IKZF3: variants seen among roughly 807,000 people sequenced by gnomAD.
IKZF3 encodes the protein IKAROS family zinc finger 3.
Under a neutral mutation model 49.0 loss-of-function variants are expected in IKZF3, and 10 were observed. The observed-to-expected ratio is 0.20, with a 90% CI of 0.13 to 0.35. The LOEUF (loss-of-function observed/expected upper bound fraction) is 0.35, where lower values mean the gene tolerates loss of function less well. IKZF3 is among the 10% of genes least tolerant of loss of function. IKZF3 has a pLI of 1.00. For synonymous variants in IKZF3, 209 were observed against 228.2 expected, an observed-to-expected ratio of 0.92 and a Z score of 0.76; for missense variants, 498 against 664.8, an observed-to-expected ratio of 0.75 and a Z score of 2.76.
intron 1 of IKZF3, chr17:39,839,486 C>G: frequency 1.7e-6 from 1 of 571,534 alleles, no homozygotes; most frequent in Non-Finnish European, 3.5e-6. Flanking sequence ...GTTTCTTGGC[C>G]AGGAATCACT....
chr17:39,789,975 G>A (rs9913044), intron 5 of IKZF3, among the ~76,000 whole-genome samples: 14,047 of 151,508 alleles, frequency 0.093, 1,332 homozygotes, highest in African/African-American at 0.25. Context: ...ATGAAGGAAA[G>A]GTTTCACCCA....
intron 1 of IKZF3, among the ~76,000 whole-genome samples, chr17:39,859,995 G>T (rs2063171530): frequency 6.6e-6 from 1 of 152,156 alleles, no homozygotes; most frequent in African/African-American, 2.4e-5. Flanking sequence ...ACTTGGGAAG[G>T]TTGAGGCGGA....
At chr17:39,784,303 C>G (rs528000078) in intron 6 of IKZF3, among the ~76,000 whole-genome samples, 1 of 152,120 alleles carries the variant, frequency 6.6e-6, no homozygotes, top group South Asian at 2.1e-4. Flanking sequence ...TGTATTTTTC[C>G]TTCTTTTCAT....
chr17:39,864,166 T>C lies in IKZF3; in HGVS notation c.-40A>G, dbSNP rs1453559. ...GGGCTGGAGCTGCCGCTGTGGCTAC[T>C]CGGCCTCTCCACGTGCTCCTGCCGT... On this transcript the variant is annotated 5_prime_UTR_variant, in exon 1 of 8. Coordinates refer to ENST00000346872, the MANE Select transcript of IKZF3 (RefSeq NM_012481.5). 805,516 of 1,607,904 alleles carry C rather than the reference T, an allele frequency of 0.5. 205,004 individuals carry two copies. Among genetic ancestry groups the C allele is most frequent in the African/African-American group, 0.61 (45,104 of 74,108 alleles).
chr17:39,825,681 G>T (rs1252202216), intron 3 of IKZF3, among the ~76,000 whole-genome samples: 1 of 152,130 alleles, frequency 6.6e-6, no homozygotes, highest in Non-Finnish European at 1.5e-5. Flanking sequence ...TTGGACCAGA[G>T]AATTTCCATT....
At chr17:39,771,136 A>T (rs553621667) in intron 7 of IKZF3, among the ~76,000 whole-genome samples, 1 of 152,282 alleles carries the variant, frequency 6.6e-6, no homozygotes, top group South Asian at 2.1e-4. Context: ...GTGTTAACTG[A>T]TGTTTCCTGG....
intron 1 of IKZF3, among the ~76,000 whole-genome samples, chr17:39,853,626 A>C (rs900267958): frequency 1.3e-5 from 2 of 151,892 alleles, no homozygotes; most frequent in Non-Finnish European, 2.9e-5. Flanking sequence ...ACCTGAGGTC[A>C]GGAGTTCAAG....
At chr17:39,799,440 C>T (rs998252158) in intron 3 of IKZF3, among the ~76,000 whole-genome samples, 1 of 152,216 alleles carries the variant, frequency 6.6e-6, no homozygotes, top group African/African-American at 2.4e-5. Context: ...TATTCAAGCA[C>T]CTGTCCAGAA....
At chr17:39,810,078 C>T (rs922175356) in intron 3 of IKZF3, among the ~76,000 whole-genome samples, 3 of 152,132 alleles carry the variant, frequency 2.0e-5, no homozygotes, top group African/African-American at 7.2e-5. Flanking sequence ...CACGAAATTT[C>T]ACATACTATT....
intron 1 of IKZF3, among the ~76,000 whole-genome samples, chr17:39,854,711 A>G (rs2062987858): frequency 6.6e-6 from 1 of 152,132 alleles, no homozygotes; most frequent in Non-Finnish European, 1.5e-5. Flanking sequence ...GGAAGTCAGG[A>G]GAAGTTGGTT....
intron 3 of IKZF3, among the ~76,000 whole-genome samples, chr17:39,801,198 T>C (rs2061308392): frequency 6.6e-6 from 1 of 152,158 alleles, no homozygotes; most frequent in African/African-American, 2.4e-5. Context: ...TCGGGGGTCA[T>C]AACCATGAAA....
chr17:39,821,191 G>A (rs1330845627), intron 3 of IKZF3, among the ~76,000 whole-genome samples: 1 of 152,060 alleles, frequency 6.6e-6, no homozygotes, highest in Non-Finnish European at 1.5e-5. Context: ...AAGTAGGGGC[G>A]GTCTGTGGGA....
chr17:39,851,874 A>G (rs1238255961), intron 1 of IKZF3, among the ~76,000 whole-genome samples: 19 of 152,186 alleles, frequency 1.2e-4, no homozygotes, highest in Non-Finnish European at 1.5e-5. Context: ...AAATGCAATT[A>G]TAACAGTATC....
chr17:39,809,477 C>T (rs548787126), intron 3 of IKZF3, among the ~76,000 whole-genome samples: 1 of 152,338 alleles, frequency 6.6e-6, no homozygotes, highest in African/African-American at 2.4e-5. Flanking sequence ...CTGGCTCTGA[C>T]ATCTTCATTC....
chr17:39,853,833 TAAA>T (rs34052978), intron 1 of IKZF3, among the ~76,000 whole-genome samples: 5 of 134,316 alleles, frequency 3.7e-5, no homozygotes, highest in Non-Finnish European at 3.2e-5. Context: ...AAACTCCGTC[TAAA>T]AAAAAAAAAA....
intron 1 of IKZF3, among the ~76,000 whole-genome samples, chr17:39,856,106 A>G (rs1459277326): frequency 6.6e-6 from 1 of 150,984 alleles, no homozygotes; most frequent in East Asian, 1.9e-4. Context: ...TATATTGTAT[A>G]TGTACAATAT....
chr17:39,794,169 G>A (rs35105110), intron 3 of IKZF3, among the ~76,000 whole-genome samples: 8,739 of 152,096 alleles, frequency 0.057, 391 homozygotes, highest in African/African-American at 0.12. Flanking sequence ...GTCATTTGTC[G>A]AAGGTTACAC....
chr17:39,838,974 C>T (rs1481336286), intron 1 of IKZF3, among the ~76,000 whole-genome samples: 1 of 151,964 alleles, frequency 6.6e-6, no homozygotes, highest in Admixed American at 6.6e-5. Flanking sequence ...CCTAGGACTA[C>T]AGGTGTGTGC....
intron 3 of IKZF3, among the ~76,000 whole-genome samples, chr17:39,819,139 C>G (rs2061744513): frequency 6.6e-6 from 1 of 152,110 alleles, no homozygotes; most frequent in African/African-American, 2.4e-5. Flanking sequence ...TTTTAAATTC[C>G]TATTGTTGAA....
Sources: allele counts gnomAD v4.1 joint callset (sites outside exome capture counted in the v4.1 genomes callset), GRCh38; gene constraint gnomAD v4.1.1; transcripts MANE v1.5; gene names NCBI Gene and HGNC (gene_info 2026-07-23, HGNC 2026-07-21).